The following IGLON5 variants were observed in gnomAD, a reference collection of about 807,000 sequenced individuals.
IGLON5 encodes the protein Ig-like domain-containing protein ENSP00000270642.
Under a neutral mutation model 38.2 loss-of-function variants are expected in IGLON5, and 16 were observed. That is an observed-to-expected ratio of 0.42 (90% confidence interval 0.28 to 0.64). The LOEUF (loss-of-function observed/expected upper bound fraction) is 0.64. Among genes scored for constraint, IGLON5 ranks in the 30% least tolerant of loss-of-function variants. IGLON5 has a pLI of 0.23. For synonymous variants in IGLON5, 207 were observed against 216.4 expected (o/e 0.96, Z 0.38); for missense variants, 366 against 483.4 (o/e 0.76, Z 2.28).
Position 51,323,242 on chromosome 19 carries a change from G to GTC in IGLON5, c.159-419_159-418insCT, listed in dbSNP as rs754853300. ...TGTCCCCCTCTGTCTCTGGGTCTCT[G>GTC]TGTCTCTCTCTCTCTCTGGGTCTCT... On this transcript the variant is annotated intron_variant, in intron 2 of 7. Coordinates refer to ENST00000270642, the MANE Select transcript of IGLON5 (RefSeq NM_001101372.3). Among the ~76,000 whole-genome samples the GTC allele has an allele frequency of 3.5e-5, 5 of 141,886 alleles. No homozygotes were observed. In the Admixed American group the frequency reaches 3.5e-4, roughly 10 times the overall value. 93.1% of individuals were successfully genotyped at this position (141,886 alleles called of 152,430 possible). A position where few individuals can be genotyped will look rare whatever the true frequency, so the allele number is the denominator to read the frequency against.
Position 51,324,314 on chromosome 19 carries a change from G to A in IGLON5, c.391+420G>A, listed in dbSNP as rs1270116432. The stretch of plus-strand genomic sequence containing the variant: ...TTTGGCTGGGCACAGGGCTAAGACC[G>A]GAAAAGAAACAGTGTGTGCAGGGCC... On this transcript the variant is annotated intron_variant, in intron 3 of 7. Coordinates refer to ENST00000270642, the MANE Select transcript of IGLON5 (RefSeq NM_001101372.3). The surrounding 1 kb of genome is among the most constrained non-coding windows in gnomAD (Gnocchi z 4.2). Among the ~76,000 whole-genome samples the A allele has an allele frequency of 6.6e-6, 1 of 152,286 alleles. No homozygotes were observed. The highest frequency in any genetic ancestry group is 1.9e-4 in the East Asian group (1 of 5,174).
Position 51,327,221 on chromosome 19 carries a change from G to A in IGLON5, c.767+21G>A. On this transcript the variant is annotated intron_variant, in intron 6 of 7. Coordinates refer to ENST00000270642, the MANE Select transcript of IGLON5 (RefSeq NM_001101372.3). The surrounding 1 kb of genome is among the most constrained non-coding windows in gnomAD (Gnocchi z 7.1). ...AGACTGTGAGGACAGCACTGAGGGG[G>A]CCGTGGGAGCGGGAAGGGGAGGTCT... is the stretch of plus-strand genomic sequence containing the variant. 1 of 1,599,452 alleles carries A rather than the reference G, an allele frequency of 6.3e-7. No homozygotes were observed. The highest frequency in any genetic ancestry group is 8.5e-7 in the Non-Finnish European group (1 of 1,171,340).
chr19:51,312,572 A>T (rs1984794691), intron 1 of IGLON5, among the ~76,000 whole-genome samples: 1 of 152,046 alleles, frequency 6.6e-6, no homozygotes, highest in Non-Finnish European at 1.5e-5. Flanking sequence ...GGTTGCAGTT[A>T]TGTGGGGGAG....
Position 51,327,023 on chromosome 19 carries a change from G to T in IGLON5, c.647-57G>T. On this transcript the variant is annotated intron_variant, in intron 5 of 7. Coordinates refer to ENST00000270642, the MANE Select transcript of IGLON5 (RefSeq NM_001101372.3). The surrounding 1 kb of genome is among the most constrained non-coding windows in gnomAD (Gnocchi z 7.1). ...CCTGAGGGAGGCGGGGGCTGGGGGC[G>T]GGACCCCTTCGTCCCCACGCGGCTA... The T allele has an allele frequency of 1.9e-6, 3 of 1,598,982 alleles. No homozygotes were observed. The highest frequency in any genetic ancestry group is 8.5e-7 in the Non-Finnish European group (1 of 1,174,348).
intron 1 of IGLON5, among the ~76,000 whole-genome samples, chr19:51,314,063 GTCT>G (rs923867789): frequency 4.0e-5 from 6 of 151,460 alleles, no homozygotes; most frequent in African/African-American, 9.7e-5. Flanking sequence ...CTTATCTCTT[GTCT>G]TCTTCTTCCT....
chr19:51,325,500 C>G lies in IGLON5; in HGVS notation c.511+35C>G. Reference sequence around the variant, plus strand: ...CCATCCCAGGTCAAAAGCCCCGTCCCCCACTGCGCAGTCTGGGCCCCTCCA... The same window carrying G: ...CCATCCCAGGTCAAAAGCCCCGTCCGCCACTGCGCAGTCTGGGCCCCTCCA... On this transcript the variant is annotated intron_variant, in intron 4 of 7. Transcript: ENST00000270642. This position sits in a 1 kb window ranked among gnomAD's most constrained non-coding sequence, Gnocchi z 5.5. 6.3e-7 allele frequency: 1 copy of G among 1,581,796 alleles called. No individual in the cohort carries two copies. The highest frequency in any genetic ancestry group is 8.6e-7 in the Non-Finnish European group (1 of 1,163,794).
At chr19:51,312,969 T>C (rs1984804668) in intron 1 of IGLON5, among the ~76,000 whole-genome samples, 1 of 152,084 alleles carries the variant, frequency 6.6e-6, no homozygotes, top group Non-Finnish European at 1.5e-5. Context: ...TAATTCAGAC[T>C]TTCTGGAGGA....
At position 51,328,760 on chromosome 19, in the gene IGLON5, G is replaced by A. The variant is rs1348769844; in HGVS notation, c.*1G>A. ...GGGCTGGCTGTGGTGGAGAATGTAG[G>A]CGCAACCCAGTGGAGCTCACCTCCC... is the stretch of plus-strand genomic sequence containing the variant. On this transcript the variant is annotated 3_prime_UTR_variant, in exon 8 of 8. Coordinates refer to ENST00000270642, the MANE Select transcript of IGLON5 (RefSeq NM_001101372.3). The A allele has an allele frequency of 6.3e-7, 1 of 1,595,296 alleles. No individual in the cohort carries two copies. Among genetic ancestry groups the A allele is most frequent in the East Asian group, 2.3e-5 (1 of 43,652 alleles).
chr19:51,316,085 C>T (rs1984914886), intron 1 of IGLON5, among the ~76,000 whole-genome samples: 1 of 151,598 alleles, frequency 6.6e-6, no homozygotes, highest in Non-Finnish European at 1.5e-5. Context: ...GTGGCTCACA[C>T]CTGTAATCCC....
At position 51,324,024 on chromosome 19, in the gene IGLON5, C is replaced by G; in HGVS notation, c.391+130C>G. On this transcript the variant is annotated intron_variant, in intron 3 of 7. Transcript: ENST00000270642. This position sits in a 1 kb window ranked among gnomAD's most constrained non-coding sequence, Gnocchi z 4.2. ...CGAGAAAGACAGACACAGCCTTGCC[C>G]TTGGGGATTTCAGCCCAGCAGAAGG... 1.5e-6 allele frequency: 1 copy of G among 660,660 alleles called. No homozygotes were observed. The highest frequency in any genetic ancestry group is 2.0e-5 in the South Asian group (1 of 50,298). The allele number at this position is 660,660 out of a possible 1,614,324, so 40.9% of individuals were successfully genotyped here.
At chr19:51,316,586 T>C (rs1984932634) in intron 1 of IGLON5, among the ~76,000 whole-genome samples, 1 of 150,452 alleles carries the variant, frequency 6.6e-6, no homozygotes, top group Admixed American at 6.6e-5. Context: ...CTCCGCATCC[T>C]GGGTTCAAGC....
In IGLON5 at chr19:51,324,268, C is replaced by T. The variant is rs931333744; in HGVS notation, c.391+374C>T. 8.5e-5 allele frequency among the ~76,000 whole-genome samples: 13 copies of T among 152,162 alleles called. No individual in the cohort carries two copies. Among genetic ancestry groups the T allele is most frequent in the Non-Finnish European group, 1.2e-4 (8 of 68,024 alleles). ...ACAGGCTCAGAGAGGACTTCCCAGA[C>T]GTGACGTCTGAGCTGACGCCTTTGG... On this transcript the variant is annotated intron_variant, in intron 3 of 7. Coordinates refer to ENST00000270642, the MANE Select transcript of IGLON5 (RefSeq NM_001101372.3). This position sits in a 1 kb window ranked among gnomAD's most constrained non-coding sequence, Gnocchi z 4.2.
chr19:51,327,285 G>A lies in IGLON5; in HGVS notation c.767+85G>A. On this transcript the variant is annotated intron_variant, in intron 6 of 7. Coordinates refer to ENST00000270642, the MANE Select transcript of IGLON5 (RefSeq NM_001101372.3). The surrounding 1 kb of genome is among the most constrained non-coding windows in gnomAD (Gnocchi z 7.1). ...TTGTGAGGCAGGGGGACGGAGCGGG[G>A]CGGGGGAAGGCAGCAGAGCTCTGGG... The A allele has an allele frequency of 1.3e-6, 2 of 1,526,664 alleles. No homozygotes were observed. The highest frequency in any genetic ancestry group is 1.8e-6 in the Non-Finnish European group (2 of 1,133,006). 94.6% of individuals were successfully genotyped at this position (1,526,664 alleles called of 1,614,324 possible). A position where few individuals can be genotyped will look rare whatever the true frequency, so the allele number is the denominator to read the frequency against.
intron 1 of IGLON5, among the ~76,000 whole-genome samples, chr19:51,319,828 C>T (rs937953475): frequency 7.2e-5 from 11 of 151,836 alleles, no homozygotes; most frequent in Non-Finnish European, 1.3e-4. Flanking sequence ...CAGCCATGCG[C>T]GTGACTGAGA....
Position 51,328,214 on chromosome 19 carries a change from T to C in IGLON5, c.922+328T>C, listed in dbSNP as rs183886108. On this transcript the variant is annotated intron_variant, in intron 7 of 7. Transcript: ENST00000270642. ...ACACATACATAAACAAAAAATAATT[T>C]TGGAGGCCGGGCGTGGTGGCTCACG... Among the ~76,000 whole-genome samples, 517 of 152,032 alleles carry C rather than the reference T, an allele frequency of 3.4e-3. 4 individuals are homozygous for C. Among genetic ancestry groups the C allele is most frequent in the African/African-American group, 0.012 (503 of 41,438 alleles).
Position 51,311,801 on chromosome 19 carries a change from G to C in IGLON5, c.-47G>C. ...TCTCCCCCCAGGCCTCGCGCGCCCC[G>C]GACCGGCCCCCCCTTTCCCCTCCCC... On this transcript the variant is annotated 5_prime_UTR_variant, in exon 1 of 8. Coordinates refer to ENST00000270642, the MANE Select transcript of IGLON5 (RefSeq NM_001101372.3). 1 of 245,354 alleles carries C rather than the reference G, an allele frequency of 4.1e-6. No homozygotes were observed. The highest frequency in any genetic ancestry group is 6.8e-6 in the Non-Finnish European group (1 of 147,642). 15.2% of individuals were successfully genotyped at this position (245,354 alleles called of 1,614,324 possible). A position where few individuals can be genotyped will look rare whatever the true frequency, so the allele number is the denominator to read the frequency against.
chr19:51,322,096 C>G lies in IGLON5; in HGVS notation c.112C>G (p.Pro38Ala), dbSNP rs777464609. 4.3e-6 allele frequency: 7 copies of G among 1,613,260 alleles called. No individual in the cohort carries two copies. In the Admixed American group the frequency reaches 1.0e-4, roughly 23 times the overall value. The change falls in exon 2 of 8, where the codon CCT (proline) becomes GCT (alanine). Residue 38 changes from proline to alanine, a missense_variant. Physicochemically the swap from Pro to Ala is conservative, Grantham distance 27. Transcript: ENST00000270642. ...LLSQSLEFNS[P>A]ADNYTVCEGD... ...CTCCCAGAGCCTGGAGTTCAACTCT[C>G]CTGCCGACAACTACACAGTGTGTGA...
chr19:51,321,862 A>T (rs1483299312), intron 1 of IGLON5, among the ~76,000 whole-genome samples: 1 of 152,222 alleles, frequency 6.6e-6, no homozygotes, highest in Non-Finnish European at 1.5e-5. Flanking sequence ...CTCTGAAAAC[A>T]TCAGTGCATG....
At chr19:51,316,160 A>G (rs1489178674) in intron 1 of IGLON5, among the ~76,000 whole-genome samples, 2 of 137,848 alleles carry the variant, frequency 1.5e-5, no homozygotes, top group East Asian at 2.1e-4. Context: ...AGCCTGGGCA[A>G]CATGGGGAAA....
Sources: allele counts gnomAD v4.1 joint callset (sites outside exome capture counted in the v4.1 genomes callset), GRCh38; gene constraint gnomAD v4.1.1; non-coding constraint Gnocchi (gnomAD v3.1); transcripts MANE v1.5; gene names NCBI Gene and HGNC (gene_info 2026-07-23, HGNC 2026-07-21).